The following TMPRSS13 variants were observed in gnomAD, a reference collection of about 807,000 sequenced individuals.
The protein encoded by TMPRSS13 is transmembrane protease serine 13.
Under a neutral mutation model 68.4 loss-of-function variants are expected in TMPRSS13, and 50 were observed. The ratio of observed to expected loss-of-function variants is 0.73; its 90% CI spans 0.58 to 0.93. TMPRSS13 has a LOEUF of 0.93. Among genes scored for constraint, TMPRSS13 ranks in the 40% least tolerant of loss-of-function variants. TMPRSS13 has a pLI of 0.00. For missense variants in TMPRSS13, 615 were observed against 729.2 expected, an observed-to-expected ratio of 0.84 and a Z score of 1.80; for synonymous variants, 267 against 285.8, an observed-to-expected ratio of 0.93 and a Z score of 0.66.
At position 117,927,119 on chromosome 11, in the gene TMPRSS13, C is replaced by CACAATCAA. The variant is rs1410210353; in HGVS notation, c.21+2167_21+2168insTTGATTGT. On this transcript the variant is annotated intron_variant, in intron 1 of 12. Transcript: ENST00000524993. ...ATCACCAATTTTGCACAATCAAAGG[C>CACAATCAA]AGCCAACTGTTCAAACAGTGTTCAA... Among the ~76,000 whole-genome samples the CACAATCAA allele has an allele frequency of 4.6e-5, 7 of 152,314 alleles. 1 individual carries two copies. In the East Asian group the frequency reaches 1.2e-3, roughly 25 times the overall value.
intron 1 of TMPRSS13, among the ~76,000 whole-genome samples, chr11:117,921,852 C>T (rs1001302518): frequency 6.6e-6 from 1 of 152,162 alleles, no homozygotes; most frequent in Non-Finnish European, 1.5e-5. Flanking sequence ...AAGAGAACTA[C>T]AAGTCCCAAC....
intron 1 of TMPRSS13, among the ~76,000 whole-genome samples, chr11:117,927,987 C>G (rs915931764): frequency 6.6e-6 from 1 of 152,248 alleles, no homozygotes; most frequent in Non-Finnish European, 1.5e-5. Flanking sequence ...AAGAGATGAG[C>G]TTCCTGGGAA....
chr11:117,905,678 G>T lies in TMPRSS13; in HGVS notation c.1341C>A (p.Thr447=). The change falls in exon 10 of 13, where the codon ACC becomes ACA. Residue 447 remains threonine (T), a synonymous_variant. Transcript: ENST00000524993. The stretch of plus-strand genomic sequence containing the variant: ...TCTTGCCAAAGCCTGTGATCCAGCA[G>T]GTCTCATTGAGGCTAAAGGTCTGTC... ...MHGQTFSLNE[T]CWITGFGKTR... 1 of 1,606,212 alleles carries T rather than the reference G, an allele frequency of 6.2e-7. No individual in the cohort carries two copies. The highest frequency in any genetic ancestry group is 8.5e-7 in the Non-Finnish European group (1 of 1,175,504).
At chr11:117,917,340 G>A in intron 2 of TMPRSS13, 66 bp from the exon 3 acceptor site, 1 of 1,311,210 alleles carries the variant, frequency 7.6e-7, no homozygotes, top group Non-Finnish European at 1.1e-6. Flanking sequence ...GGAGAGGGTG[G>A]GGGAAACAAG....
chr11:117,912,324 C>T (rs1457562399), intron 5 of TMPRSS13, among the ~76,000 whole-genome samples: 1 of 152,184 alleles, frequency 6.6e-6, no homozygotes, highest in Non-Finnish European at 1.5e-5. Context: ...CCCCCCCAGA[C>T]CTACTGAATA....
rs759038595 is a variant in TMPRSS13, at chr11:117,902,281, G to A, written c.1678-16C>T. ...GCACCTCGCTCTGAGGAAGAGAATG[G>A]GAGAAGAGGGTGAGGGTGGGCCAGG... On this transcript the variant is annotated splice_polypyrimidine_tract_variant and intron_variant, in intron 12 of 12. Transcript: ENST00000524993. 2.5e-5 allele frequency: 40 copies of A among 1,613,348 alleles called. No individual in the cohort carries two copies. The highest frequency in any genetic ancestry group is 3.3e-5 in the Non-Finnish European group (39 of 1,179,870).
intron 12 of TMPRSS13, chr11:117,903,368 C>T (rs1012364350): frequency 1.4e-5 from 22 of 1,527,020 alleles, no homozygotes; most frequent in Admixed American, 6.0e-5. Flanking sequence ...TGCAACCTTA[C>T]ACAAAAAAAT....
Position 117,911,800 on chromosome 11 carries a change from T to G in TMPRSS13, c.870A>C (p.Arg290Ser), listed in dbSNP as rs770623301. ...RDFANSFSIL[R>S]YNSTIQESLH... ...GGCTTTCCTGGATGGTGGAGTTGTA[T>G]CTCAAGATTGAGAAGCTGTTGGCAA... Residue 290 changes from arginine (R) to serine (S), a missense_variant, in exon 6 of 13, where the codon AGA becomes AGC. By Grantham distance (110) the Arg-to-Ser change is moderately radical. Coordinates refer to ENST00000524993, the MANE Select transcript of TMPRSS13 (RefSeq NM_001077263.3). The G allele has an allele frequency of 3.1e-6, 5 of 1,614,118 alleles. No individual in the cohort carries two copies. The highest frequency in any genetic ancestry group is 1.7e-6 in the Non-Finnish European group (2 of 1,180,020).
In TMPRSS13 at chr11:117,902,144, G is replaced by A. The variant is rs976947154; in HGVS notation, c.*95C>T. The A allele has an allele frequency of 5.4e-5, 76 of 1,403,566 alleles. 2 individuals carry two copies. In the Admixed American group the frequency reaches 1.0e-3, roughly 19 times the overall value. The allele number at this position is 1,403,566 out of a possible 1,614,324, so 86.9% of individuals were successfully genotyped here. ...TGGAGGTGGGAGTCCGATGGTGCCCGGTGGCCATTAGCCCAGATGATGCCA... is the reference window on the plus strand; with the variant it reads ...TGGAGGTGGGAGTCCGATGGTGCCCAGTGGCCATTAGCCCAGATGATGCCA... On this transcript the variant is annotated 3_prime_UTR_variant, in exon 13 of 13. Transcript: ENST00000524993.
At chr11:117,920,804 T>TTTCG (rs1402910743) in intron 1 of TMPRSS13, among the ~76,000 whole-genome samples, 32 of 152,072 alleles carry the variant, frequency 2.1e-4, no homozygotes, top group African/African-American at 7.5e-4. Flanking sequence ...GATAGTGGGG[T>TTTCG]TTTGTTTGTT....
At position 117,918,665 on chromosome 11, in the gene TMPRSS13, A is replaced by T. The variant is rs2057607083; in HGVS notation, c.195T>A (p.Pro65=). 1.3e-6 allele frequency: 2 copies of T among 1,591,188 alleles called. No homozygotes were observed. Among genetic ancestry groups the T allele is most frequent in the South Asian group, 2.3e-5 (2 of 87,304 alleles). Residue 65 remains proline (P), a synonymous_variant, in exon 2 of 13, where the codon CCT becomes CCA. Coordinates refer to ENST00000524993, the MANE Select transcript of TMPRSS13 (RefSeq NM_001077263.3). ...CCCGGCCTGGAGATGCCCGGCCTGG[A>T]GGTGTACCAGCTGGAGATGCCTGGG... ...SPAQASPAGT[P]PGRASPGRAS...
chr11:117,902,662 C>T (rs368161961), intron 12 of TMPRSS13, among the ~76,000 whole-genome samples: 82 of 152,372 alleles, frequency 5.4e-4, no homozygotes, highest in African/African-American at 1.8e-3. Context: ...CCACTGCCAG[C>T]GGCCTGTGTG....
intron 12 of TMPRSS13, chr11:117,903,072 C>G: frequency 8.8e-7 from 1 of 1,139,578 alleles, no homozygotes; most frequent in Non-Finnish European, 1.1e-6. Context: ...ACTTTATACT[C>G]TTTTATGATA....
At chr11:117,909,033 G>C (rs1361862572) in intron 8 of TMPRSS13, among the ~76,000 whole-genome samples, 1 of 151,722 alleles carries the variant, frequency 6.6e-6, no homozygotes, top group Middle Eastern at 3.4e-3. Context: ...TAAGACCTCT[G>C]TGTGGCACTC....
chr11:117,924,896 T>C (rs79669568), intron 1 of TMPRSS13, among the ~76,000 whole-genome samples: 7,071 of 152,140 alleles, frequency 0.046, 252 homozygotes, highest in East Asian at 0.18. Context: ...CTCAGGGACT[T>C]GGGTCAGCCC....
rs372867634 is a variant in TMPRSS13, at chr11:117,922,118, C to T, written c.22-3280G>A. On this transcript the variant is annotated intron_variant, in intron 1 of 12. Transcript: ENST00000524993. This position sits in a 1 kb window ranked among gnomAD's most constrained non-coding sequence, Gnocchi z 4.2. ...TATAGCACTAACTCATTTCTTTTCC[C>T]CAATTCTTGGAGAACAACTGCTGAG... Among the ~76,000 whole-genome samples the T allele has an allele frequency of 9.2e-5, 14 of 152,208 alleles. No homozygotes were observed. Among genetic ancestry groups the T allele is most frequent in the Non-Finnish European group, 1.5e-4 (10 of 68,048 alleles).
chr11:117,912,080 TC>T (rs2057528872), intron 5 of TMPRSS13, among the ~76,000 whole-genome samples: 1 of 151,842 alleles, frequency 6.6e-6, no homozygotes, highest in Non-Finnish European at 1.5e-5. Flanking sequence ...CCCTCCAAGA[TC>T]CCCAGCCCTA....
chr11:117,911,480 C>T (rs4414257), intron 6 of TMPRSS13, among the ~76,000 whole-genome samples: 169 of 152,224 alleles, frequency 1.1e-3, no homozygotes, highest in African/African-American at 1.1e-3. Flanking sequence ...AACACCTGGC[C>T]GACTGGTGGT....
At chr11:117,911,690 G>T in intron 6 of TMPRSS13, 78 bp downstream of exon 6, 1 of 1,167,082 alleles carries the variant, frequency 8.6e-7, no homozygotes, top group Non-Finnish European at 1.3e-6. Context: ...CAGTGAAGGG[G>T]GCTCCCTGAC....
Sources: gnomAD v4.1 joint callset for allele counts (sites outside exome capture counted in the v4.1 genomes callset) on GRCh38, gnomAD v4.1.1 for gene constraint, Gnocchi (gnomAD v3.1) non-coding constraint, MANE v1.5 for transcripts, NCBI Gene and HGNC (gene_info 2026-07-23, HGNC 2026-07-21) for gene names.